The following OPN3 variants were observed in gnomAD, a reference collection of about 807,000 sequenced individuals.
OPN3 encodes the protein opsin 3.
In OPN3, 29 loss-of-function variants were observed where a neutral mutation model predicts 33.8. The ratio of observed to expected loss-of-function variants is 0.86; its 90% CI spans 0.64 to 1.17. The LOEUF is 1.17. OPN3 is among the 50% of genes most tolerant of loss of function. The pLI is 0.00. For missense variants in OPN3, 437 were observed against 514.1 expected (o/e 0.85, Z 1.45); for synonymous variants, 216 against 216.1 (o/e 1.00, Z 0.00).
intron 1 of OPN3, chr1:241,635,576 T>G: frequency 2.5e-6 from 4 of 1,614,152 alleles, no homozygotes; most frequent in Non-Finnish European, 3.4e-6. Flanking sequence ...GTCATTGTTT[T>G]GCTGATACTC....
chr1:241,614,787 A>G (rs850690), intron 1 of OPN3, among the ~76,000 whole-genome samples: 5 of 144,006 alleles, frequency 3.5e-5, no homozygotes, highest in South Asian at 2.2e-4. Flanking sequence ...CCATAGTCCC[A>G]TTTGGACAGA....
chr1:241,600,852 A>C (rs886591857), intron 2 of OPN3: 8 of 152,076 alleles, frequency 5.3e-5, no homozygotes, highest in Non-Finnish European at 8.8e-5. Context: ...AAAATACATA[A>C]GACCCAGTCT....
intron 1 of OPN3, among the ~76,000 whole-genome samples, chr1:241,625,143 T>C (rs1387223175): frequency 6.6e-6 from 1 of 152,220 alleles, no homozygotes; most frequent in Admixed American, 6.5e-5. Flanking sequence ...AAAGTTCTTA[T>C]CTGCATTAAG....
At chr1:241,635,275 C>A in intron 1 of OPN3, 2 of 1,613,938 alleles carry the variant, frequency 1.2e-6, no homozygotes, top group Non-Finnish European at 1.7e-6. Flanking sequence ...CTAGTGAAAT[C>A]TCTGTATCAC....
chr1:241,597,024 T>C (rs932811683), intron 3 of OPN3, among the ~76,000 whole-genome samples: 1 of 151,760 alleles, frequency 6.6e-6, no homozygotes, highest in African/African-American at 2.4e-5. Context: ...GAGCGGGGCA[T>C]CTCATTATGT....
At chr1:241,597,712 A>G (rs759374953) in intron 3 of OPN3, 34 bp downstream of exon 3, 1 of 1,599,918 alleles carries the variant, frequency 6.3e-7, no homozygotes, top group East Asian at 2.2e-5. Context: ...CTCTATGCCC[A>G]GGGTGAAAAC....
At chr1:241,614,148 A>G (rs1019889673) in intron 1 of OPN3, 2 of 152,222 alleles carry the variant, frequency 1.3e-5, no homozygotes, top group African/African-American at 2.4e-5. Context: ...AGCCTGGGCA[A>G]CAGAGTGAGA....
At chr1:241,634,239 A>G in intron 1 of OPN3, 1 of 1,613,982 alleles carries the variant, frequency 6.2e-7, no homozygotes, top group Non-Finnish European at 8.5e-7. Flanking sequence ...GAACATGTCA[A>G]ATGTACCAGA....
intron 1 of OPN3, among the ~76,000 whole-genome samples, chr1:241,613,286 T>C (rs1421487867): frequency 2.0e-5 from 3 of 152,170 alleles, no homozygotes; most frequent in South Asian, 2.1e-4. Context: ...CTGTGAGACA[T>C]GTAGGAATTA....
intron 2 of OPN3, among the ~76,000 whole-genome samples, chr1:241,599,876 G>T (rs1663634541): frequency 6.6e-6 from 1 of 152,266 alleles, no homozygotes; most frequent in South Asian, 2.1e-4. Context: ...TGTTTTTGAG[G>T]TTAAATACTT....
At chr1:241,603,420 A>C (rs1458932521) in intron 2 of OPN3, among the ~76,000 whole-genome samples, 1 of 152,108 alleles carries the variant, frequency 6.6e-6, no homozygotes, top group Non-Finnish European at 1.5e-5. Flanking sequence ...AGGGATAGAA[A>C]GGTTGGTAGA....
At chr1:241,638,104 G>T (rs1664970417) in intron 1 of OPN3, among the ~76,000 whole-genome samples, 1 of 152,180 alleles carries the variant, frequency 6.6e-6, no homozygotes, top group African/African-American at 2.4e-5. Context: ...CAGGGCTTAA[G>T]TCTCGGAATC....
chr1:241,639,807 G>A lies in OPN3; in HGVS notation c.373+75C>T, dbSNP rs1001895354. Reference sequence around the variant, plus strand: ...GCGGTGCGGGGCGGGCTGGGGGGCGGACGCACGGAGCGGGCAGCGGGGTGG... The same window carrying A: ...GCGGTGCGGGGCGGGCTGGGGGGCGAACGCACGGAGCGGGCAGCGGGGTGG... On this transcript the variant is annotated intron_variant, in intron 1 of 3. Transcript: ENST00000366554. 9.7e-6 allele frequency: 13 copies of A among 1,337,316 alleles called. No individual in the cohort carries two copies. The African/African-American group carries it at 2.1e-4, about 21-fold the overall frequency. The allele number at this position is 1,337,316 out of a possible 1,614,324, so 82.8% of individuals were successfully genotyped here.
intron 2 of OPN3, 57 bp from the exon 3 acceptor site, chr1:241,598,054 G>A (rs368183542): frequency 1.3e-6 from 2 of 1,563,894 alleles, no homozygotes. Flanking sequence ...GGTTTCTTTT[G>A]TTGTTTTTAT....
intron 1 of OPN3, among the ~76,000 whole-genome samples, chr1:241,613,865 G>A (rs2148008665): frequency 6.6e-6 from 1 of 152,204 alleles, no homozygotes; most frequent in Middle Eastern, 3.4e-3. Flanking sequence ...CCTTTCTGTG[G>A]GTTAAAAAAT....
intron 1 of OPN3, among the ~76,000 whole-genome samples, chr1:241,623,909 C>A (rs542360937): frequency 6.6e-6 from 1 of 152,206 alleles, no homozygotes; most frequent in African/African-American, 2.4e-5. Flanking sequence ...GTACCTCATC[C>A]GCTGAATAAA....
rs1439389592 is a variant in OPN3, at chr1:241,604,462, T to C, written c.491A>G (p.Tyr164Cys). 1 of 1,613,966 alleles carries C rather than the reference T, an allele frequency of 6.2e-7. No homozygotes were observed. Among genetic ancestry groups the C allele is most frequent in the East Asian group, 2.2e-5 (1 of 44,862 alleles). Residue 164 changes from tyrosine (Y) to cysteine (C), a missense_variant, in exon 2 of 4, where the codon TAC becomes TGC. Transcript: ENST00000366554. ...AWRAITYIWL[Y>C]SLAWAGAPLL... ...AGGTGCTCCTGCCCACGCCAGTGAG[T>C]AGAGCCAGATGTAGGTAATGGCCCT... is the stretch of plus-strand genomic sequence containing the variant.
intron 1 of OPN3, chr1:241,635,045 T>C (rs1180344891): frequency 6.2e-7 from 1 of 1,613,298 alleles, no homozygotes; most frequent in Admixed American, 1.7e-5. Flanking sequence ...TAGCAATCCT[T>C]GAGAATACAG....
chr1:241,595,766 A>G (rs374536294), intron 3 of OPN3: 1 of 152,214 alleles, frequency 6.6e-6, no homozygotes, highest in East Asian at 1.9e-4. Flanking sequence ...ACATTTAAAA[A>G]TATTTATTTT....
Sources: allele counts gnomAD v4.1 joint callset (sites outside exome capture counted in the v4.1 genomes callset), GRCh38; gene constraint gnomAD v4.1.1; transcripts MANE v1.5; gene names NCBI Gene and HGNC (gene_info 2026-07-23, HGNC 2026-07-21).